Variants in CSMD1 observed in about 807,000 individuals in gnomAD.
The protein encoded by CSMD1 is CUB and sushi domain-containing protein 1.
CSMD1 carries 213 observed loss-of-function variants against 417.5 expected under a neutral mutation model. The ratio of observed to expected loss-of-function variants is 0.51; its 90% CI spans 0.46 to 0.57. The LOEUF is 0.57. Ranked by LOEUF, CSMD1 falls within the 20% of genes least tolerant of loss-of-function variation. CSMD1 has a pLI of 0.00. For missense variants in CSMD1, 6,923 were observed against 4,529.7 expected, an observed-to-expected ratio of 1.53 and a Z score of -15.17; for synonymous variants, 2,862 against 1,736.8, an observed-to-expected ratio of 1.65 and a Z score of -16.11.
chr8:4,730,603 T>C (rs911595352), intron 1 of CSMD1, among the ~76,000 whole-genome samples: 23 of 151,774 alleles, frequency 1.5e-4, no homozygotes, highest in African/African-American at 3.6e-4. Context: ...TAGCCGGGCG[T>C]GGTGGCGGGC....
At chr8:3,341,674 G>T (rs1400362930) in intron 23 of CSMD1, among the ~76,000 whole-genome samples, 2 of 152,158 alleles carry the variant, frequency 1.3e-5, no homozygotes, top group African/African-American at 4.8e-5. Flanking sequence ...CATAGCAGGG[G>T]CAGGATTTGT....
chr8:3,487,507 T>C (rs9314492), intron 11 of CSMD1, among the ~76,000 whole-genome samples: 60,222 of 152,114 alleles, frequency 0.4, 12,611 homozygotes, highest in African/African-American at 0.54. Context: ...GGCCTATCAG[T>C]ATAAATTTAA....
chr8:2,993,854 C>T (rs919804600), intron 54 of CSMD1, among the ~76,000 whole-genome samples: 3 of 151,782 alleles, frequency 2.0e-5, no homozygotes, highest in Admixed American at 6.6e-5. Flanking sequence ...GTGATGTTAT[C>T]GTCAACGGTT....
rs1554509717 is a variant in CSMD1, at chr8:3,992,124, A to ATATG, written c.818+5778_818+5779insCATA. Among the ~76,000 whole-genome samples the ATATG allele has an allele frequency of 3.6e-4, 54 of 150,436 alleles. 1 individual carries two copies. Among genetic ancestry groups the ATATG allele is most frequent in the South Asian group, 6.3e-4 (3 of 4,770 alleles). Reference sequence around the variant, plus strand: ...AAGAAAAGGAGAAATGTGTATATATATGTGTGTGTGTGTGTATGTACATAT... The same window carrying ATATG: ...AAGAAAAGGAGAAATGTGTATATATATATGTGTGTGTGTGTGTGTATGTACATAT... On this transcript the variant is annotated intron_variant, in intron 5 of 69. Transcript: ENST00000635120.
intron 1 of CSMD1, among the ~76,000 whole-genome samples, chr8:4,825,966 A>AT (rs201372840): frequency 1.1e-4 from 17 of 151,784 alleles, no homozygotes; most frequent in South Asian, 2.1e-4. Flanking sequence ...AGGATGACTA[A>AT]TTTTTTTTTA....
chr8:4,081,730 G>C (rs1215015023), intron 3 of CSMD1, among the ~76,000 whole-genome samples: 1 of 152,092 alleles, frequency 6.6e-6, no homozygotes, highest in African/African-American at 2.4e-5. Context: ...ACCAAATTAG[G>C]AAAAGGTAAC....
chr8:3,140,095 G>A (rs150359263), intron 41 of CSMD1, among the ~76,000 whole-genome samples: 2,335 of 151,898 alleles, frequency 0.015, 59 homozygotes, highest in African/African-American at 0.054. Flanking sequence ...GTAGAGATGT[G>A]GTTTCACCAT....
At chr8:3,435,888 C>A (rs1336798335) in intron 12 of CSMD1, among the ~76,000 whole-genome samples, 3 of 152,246 alleles carry the variant, frequency 2.0e-5, no homozygotes, top group Non-Finnish European at 4.4e-5. Flanking sequence ...CTGGAAAGAT[C>A]TTCCCCTTGG....
chr8:3,839,273 A>G (rs1421032047), intron 5 of CSMD1, among the ~76,000 whole-genome samples: 1 of 124,760 alleles, frequency 8.0e-6, no homozygotes, highest in Non-Finnish European at 1.6e-5. Context: ...ATATACTATT[A>G]ATATATAATA....
At chr8:3,038,328 A>G (rs1480752691) in intron 50 of CSMD1, among the ~76,000 whole-genome samples, 1 of 152,216 alleles carries the variant, frequency 6.6e-6, no homozygotes, top group Non-Finnish European at 1.5e-5. Context: ...TATTTTAATT[A>G]CATAAAATGA....
rs367726742 is a variant in CSMD1, at chr8:3,652,005, G to T, written c.1010-35208C>A. Among the ~76,000 whole-genome samples, 518 of 122,214 alleles carry T rather than the reference G, an allele frequency of 4.2e-3. 4 individuals carry two copies. Among genetic ancestry groups the T allele is most frequent in the African/African-American group, 0.016 (509 of 31,132 alleles). The allele number at this position is 122,214 out of a possible 152,430, so 80.2% of individuals were successfully genotyped here. ...ACCAACATCATTACACATACCATCA[G>T]TGCGCTTACCACCATCAGAGCACTT... On this transcript the variant is annotated intron_variant, in intron 7 of 69. Transcript: ENST00000635120.
intron 5 of CSMD1, among the ~76,000 whole-genome samples, chr8:3,859,862 C>T (rs542504345): frequency 6.6e-6 from 1 of 152,280 alleles, no homozygotes; most frequent in East Asian, 1.9e-4. Flanking sequence ...GGTACAGCCT[C>T]AGGCATCTCT....
chr8:2,958,759 T>G (rs574416492), intron 62 of CSMD1, among the ~76,000 whole-genome samples: 1 of 152,242 alleles, frequency 6.6e-6, no homozygotes, highest in Non-Finnish European at 1.5e-5. Flanking sequence ...GTGCACCAAG[T>G]TAGCATCCAA....
At chr8:4,139,549 CG>C (rs1803652251) in intron 3 of CSMD1, among the ~76,000 whole-genome samples, 1 of 150,988 alleles carries the variant, frequency 6.6e-6, no homozygotes, top group Non-Finnish European at 1.5e-5. Flanking sequence ...TCCTGCACGA[CG>C]ATCTGCATAT....
At chr8:4,288,036 A>C (rs1455389416) in intron 3 of CSMD1, among the ~76,000 whole-genome samples, 1 of 152,226 alleles carries the variant, frequency 6.6e-6, no homozygotes, top group Non-Finnish European at 1.5e-5. Flanking sequence ...AACCATCAAA[A>C]GACAGAAAGC....
intron 5 of CSMD1, among the ~76,000 whole-genome samples, chr8:3,786,331 G>C (rs561754097): frequency 6.6e-6 from 1 of 152,292 alleles, no homozygotes; most frequent in Non-Finnish European, 1.5e-5. Context: ...CTGTTGGATG[G>C]AGGGTCACTG....
At chr8:4,246,649 G>C (rs1276543656) in intron 3 of CSMD1, among the ~76,000 whole-genome samples, 7 of 152,030 alleles carry the variant, frequency 4.6e-5, no homozygotes, top group East Asian at 1.9e-4. Flanking sequence ...CAAATGCTGA[G>C]GCAAGCAAAA....
At chr8:3,041,990 G>A (rs1377488719) in intron 50 of CSMD1, among the ~76,000 whole-genome samples, 1 of 152,138 alleles carries the variant, frequency 6.6e-6, no homozygotes, top group African/African-American at 2.4e-5. Flanking sequence ...GGAAACATCA[G>A]CTCTGGAAGG....
rs1382124442 is a variant in CSMD1 at position 4,027,722 on chromosome 8, G to A, written c.610+4183C>T. Among the ~76,000 whole-genome samples the A allele has an allele frequency of 3.9e-5, 6 of 152,130 alleles. No individual in the cohort carries two copies. In the South Asian group the frequency reaches 1.0e-3, roughly 26 times the overall value. ...GACATTTTAGACATGGGGGCCCATTGAACAAACTTGAAGCCAGTCTGTTTG... is the reference window on the plus strand; with the variant it reads ...GACATTTTAGACATGGGGGCCCATTAAACAAACTTGAAGCCAGTCTGTTTG... On this transcript the variant is annotated intron_variant, in intron 4 of 69. Coordinates refer to ENST00000635120, the MANE Select transcript of CSMD1 (RefSeq NM_033225.6).
Sources: gnomAD v4.1 joint callset for allele counts (sites outside exome capture counted in the v4.1 genomes callset) on GRCh38, gnomAD v4.1.1 for gene constraint, MANE v1.5 for transcripts, NCBI Gene and HGNC (gene_info 2026-07-23, HGNC 2026-07-21) for gene names.